Variants in ANKRD24 observed in about 807,000 individuals in gnomAD.
ANKRD24 encodes ankyrin repeat domain-containing protein 24.
A neutral mutation model predicts 127.8 loss-of-function variants in ANKRD24; 109 were observed. The ratio of observed to expected loss-of-function variants is 0.85; its 90% CI spans 0.73 to 1.00. The LOEUF (loss-of-function observed/expected upper bound fraction) is 1.00, where lower values mean the gene tolerates loss of function less well. Ranked by LOEUF, ANKRD24 falls within the 50% of genes least tolerant of loss-of-function variation. The pLI, the probability that ANKRD24 is intolerant of heterozygous loss-of-function variation, is 0.00. For synonymous variants in ANKRD24, 743 were observed against 671.1 expected (o/e 1.11, Z -1.66); for missense variants, 1,648 against 1,570.2 (o/e 1.05, Z -0.84).
At chr19:4,187,454 G>A (rs965949645) in intron 2 of ANKRD24, among the ~76,000 whole-genome samples, 1 of 152,052 alleles carries the variant, frequency 6.6e-6, no homozygotes, top group Admixed American at 6.6e-5. Context: ...GAGTGGGGGA[G>A]AGAGTTTGCA....
In ANKRD24 at chr19:4,217,465, C is replaced by T. The variant is rs1242269354; in HGVS notation, c.2305C>T (p.Arg769Cys). ...GGCAGGCCGGCTGCGAGAGCGTGTC[C>T]GCGAGGCCGAGGGCAGCGGGGCCAG... ...AEAGRLRERV[R>C]EAEGSGASGG... The change falls in exon 18 of 22, where the codon CGC (arginine) becomes TGC (cysteine). Residue 769 changes from arginine (R) to cysteine (C), a missense_variant. Arg to Cys is a radical substitution (Grantham distance 180). Coordinates refer to ENST00000318934, the MANE Select transcript of ANKRD24 (RefSeq NM_001393985.1). The T allele has an allele frequency of 9.5e-6, 14 of 1,481,424 alleles. No homozygotes were observed. Among genetic ancestry groups the T allele is most frequent in the African/African-American group, 4.3e-5 (3 of 69,658 alleles). 91.8% of individuals were successfully genotyped at this position (1,481,424 alleles called of 1,614,324 possible). A position where few individuals can be genotyped will look rare whatever the true frequency, so the allele number is the denominator to read the frequency against.
chr19:4,201,711 C>G (rs190697143), intron 5 of ANKRD24, among the ~76,000 whole-genome samples: 2 of 152,112 alleles, frequency 1.3e-5, no homozygotes, highest in African/African-American at 4.8e-5. Context: ...TAGCAAGACT[C>G]CTGTCTCTAC....
At chr19:4,188,974 A>G (rs1233376602) in intron 2 of ANKRD24, among the ~76,000 whole-genome samples, 1 of 151,708 alleles carries the variant, frequency 6.6e-6, no homozygotes, top group African/African-American at 2.4e-5. Context: ...TGGCTGGCTA[A>G]ATATTTTGTA....
intron 2 of ANKRD24, among the ~76,000 whole-genome samples, chr19:4,188,754 A>C (rs1486480174): frequency 6.6e-6 from 1 of 151,404 alleles, no homozygotes; most frequent in East Asian, 2.0e-4. Context: ...GACTCTGGGG[A>C]TGTCATGCCC....
At chr19:4,215,058 C>T (rs1599454433) in intron 15 of ANKRD24, among the ~76,000 whole-genome samples, 1 of 152,186 alleles carries the variant, frequency 6.6e-6, no homozygotes, top group Admixed American at 6.6e-5. Context: ...AGTCCCCTCA[C>T]CCAGGAGGGA....
intron 5 of ANKRD24, 140 bp from the exon 6 acceptor site, chr19:4,201,886 G>C (rs1345101732): frequency 1.4e-6 from 1 of 715,800 alleles, no homozygotes; most frequent in Non-Finnish European, 2.4e-6. Context: ...CCTTTCTGCA[G>C]GGAAAAAAGG....
rs1024349286 is a variant in ANKRD24, at chr19:4,195,452, C to T, written c.37-4231C>T. On this transcript the variant is annotated intron_variant, in intron 2 of 21. Coordinates refer to ENST00000318934, the MANE Select transcript of ANKRD24 (RefSeq NM_001393985.1). This position sits in a 1 kb window ranked among gnomAD's most constrained non-coding sequence, Gnocchi z 4.2. Reference sequence around the variant, plus strand: ...AAACTGAAGCCCTGAGCTGGGAGATCCGTTTCGGTCTCTTCTCTGGAGAAG... The same window carrying T: ...AAACTGAAGCCCTGAGCTGGGAGATTCGTTTCGGTCTCTTCTCTGGAGAAG... Among the ~76,000 whole-genome samples the T allele has an allele frequency of 6.6e-6, 1 of 152,102 alleles. No individual in the cohort carries two copies. The highest frequency in any genetic ancestry group is 1.5e-5 in the Non-Finnish European group (1 of 68,020).
intron 5 of ANKRD24, 77 bp downstream of exon 5, chr19:4,200,248 C>T: frequency 7.1e-7 from 1 of 1,405,012 alleles, no homozygotes; most frequent in Non-Finnish European, 9.6e-7. Flanking sequence ...CCAGACCCTG[C>T]TCCCAGGTCT....
rs370362283 is a variant in ANKRD24, at chr19:4,207,023, A to T, written c.467-219A>T. On this transcript the variant is annotated intron_variant, in intron 7 of 21. Transcript: ENST00000318934. ...TGAGCTCAAGCGGTCCTCCCGCTTC[A>T]GCTGGGGACTCCCTAGTAGCTGGGG... 48 of 579,232 alleles carry T rather than the reference A, an allele frequency of 8.3e-5. No homozygotes were observed. The South Asian group carries it at 1.0e-3, about 12-fold the overall frequency. The allele number at this position is 579,232 out of a possible 1,614,324, so 35.9% of individuals were successfully genotyped here.
chr19:4,186,607 A>G (rs1455452195), intron 2 of ANKRD24, 146 bp downstream of exon 2: 5 of 906,246 alleles, frequency 5.5e-6, no homozygotes. Flanking sequence ...TGACCTCCCC[A>G]CTGCTCCCCG....
intron 1 of ANKRD24, among the ~76,000 whole-genome samples, chr19:4,185,371 T>C (rs1166029317): frequency 6.6e-6 from 1 of 151,948 alleles, no homozygotes; most frequent in Non-Finnish European, 1.5e-5. Flanking sequence ...GGTGAGTGCA[T>C]AGGTGGTAAA....
intron 7 of ANKRD24, among the ~76,000 whole-genome samples, chr19:4,205,601 A>G (rs1190100446): frequency 6.6e-6 from 1 of 152,176 alleles, no homozygotes; most frequent in Non-Finnish European, 1.5e-5. Flanking sequence ...TAATCCTAGC[A>G]CTATGGGAGT....
chr19:4,186,474 C>CCCT lies in ANKRD24; in HGVS notation c.36+14_36+16dup. On this transcript the variant is annotated intron_variant, in intron 2 of 21. Coordinates refer to ENST00000318934, the MANE Select transcript of ANKRD24 (RefSeq NM_001393985.1). Reference sequence around the variant, plus strand: ...TAAGAAGACAGAGGTGAGTGTGAGGCCCTAGATGCCCGATACACCCCTGCA... The same window carrying CCCT: ...TAAGAAGACAGAGGTGAGTGTGAGGCCCTCCTAGATGCCCGATACACCCCTGCA... 1 of 1,588,074 alleles carries CCCT rather than the reference C, an allele frequency of 6.3e-7. No individual in the cohort carries two copies. Among genetic ancestry groups the CCCT allele is most frequent in the South Asian group, 1.2e-5 (1 of 86,832 alleles).
chr19:4,215,877 C>A, intron 15 of ANKRD24, 101 bp from the exon 16 acceptor site: 2 of 868,402 alleles, frequency 2.3e-6, no homozygotes, highest in South Asian at 1.7e-5. Context: ...TCGTGGGAGA[C>A]ATACAGGTAT....
chr19:4,201,087 G>A (rs1408011875), intron 5 of ANKRD24, among the ~76,000 whole-genome samples: 1 of 152,198 alleles, frequency 6.6e-6, no homozygotes. Context: ...GGATCTAGGA[G>A]TAGCTGGAGC....
At chr19:4,194,978 A>AT (rs138585703) in intron 2 of ANKRD24, among the ~76,000 whole-genome samples, 3,296 of 150,368 alleles carry the variant, frequency 0.022, 122 homozygotes, top group African/African-American at 0.071. Context: ...TGATTGATTG[A>AT]TTTTTTTCAG....
chr19:4,222,824 G>A (rs145552577), intron 20 of ANKRD24, 29 bp downstream of exon 20: 20,745 of 1,576,204 alleles, frequency 0.013, 178 homozygotes, highest in Non-Finnish European at 0.016. Flanking sequence ...AGGGGCCAGG[G>A]GACCATCAGG....
At chr19:4,186,695 A>C (rs565150345) in intron 2 of ANKRD24, among the ~76,000 whole-genome samples, 1 of 151,982 alleles carries the variant, frequency 6.6e-6, no homozygotes, top group African/African-American at 2.4e-5. Context: ...CATTGCCACC[A>C]ATCAGACCCT....
chr19:4,201,911 G>T, intron 5 of ANKRD24, 115 bp from the exon 6 acceptor site: 1 of 887,832 alleles, frequency 1.1e-6, no homozygotes, highest in Non-Finnish European at 1.9e-6. Flanking sequence ...AAATACTAGG[G>T]TTTACGGACT....
Sources: allele counts gnomAD v4.1 joint callset (sites outside exome capture counted in the v4.1 genomes callset), GRCh38; gene constraint gnomAD v4.1.1; non-coding constraint Gnocchi (gnomAD v3.1); transcripts MANE v1.5; gene names NCBI Gene and HGNC (gene_info 2026-07-23, HGNC 2026-07-21).